Variants in NLGN1 observed in about 807,000 individuals in gnomAD.
NLGN1 encodes the protein neuroligin-1.
A neutral mutation model predicts 65.5 loss-of-function variants in NLGN1; 12 were observed. That is an observed-to-expected ratio of 0.18 (90% CI 0.12 to 0.30). The LOEUF (loss-of-function observed/expected upper bound fraction) is 0.30, where lower values mean the gene tolerates loss of function less well. Ranked by LOEUF, NLGN1 falls within the 10% of genes least tolerant of loss-of-function variation. NLGN1 has a pLI of 1.00. For synonymous variants in NLGN1, 350 were observed against 359.5 expected (o/e 0.97, Z 0.30); for missense variants, 750 against 1,007.1 (o/e 0.74, Z 3.46).
intron 4 of NLGN1, among the ~76,000 whole-genome samples, chr3:173,939,800 T>G (rs1007777206): frequency 6.6e-6 from 1 of 152,118 alleles, no homozygotes; most frequent in Non-Finnish European, 1.5e-5. Flanking sequence ...CTGGGTTTTG[T>G]TTTTGTTTTT....
chr3:173,669,498 A>G (rs550196819), intron 3 of NLGN1, among the ~76,000 whole-genome samples: 3 of 152,292 alleles, frequency 2.0e-5, no homozygotes. Flanking sequence ...CCCTGTGTGC[A>G]TGACTGTCTC....
intron 3 of NLGN1, among the ~76,000 whole-genome samples, chr3:173,676,156 C>T (rs1763145926): frequency 6.6e-6 from 1 of 151,880 alleles, no homozygotes; most frequent in Admixed American, 6.6e-5. Flanking sequence ...TAAGATATAG[C>T]AAAAGGAAAC....
intron 4 of NLGN1, among the ~76,000 whole-genome samples, chr3:174,043,660 G>T (rs1265990535): frequency 6.6e-6 from 1 of 152,248 alleles, no homozygotes; most frequent in Non-Finnish European, 1.5e-5. Context: ...CTATGCCCCT[G>T]TGGCTTTGCA....
intron 3 of NLGN1, among the ~76,000 whole-genome samples, chr3:173,616,791 A>G (rs1445156181): frequency 5.3e-5 from 8 of 152,150 alleles, no homozygotes; most frequent in Non-Finnish European, 1.2e-4. Context: ...TGCTTCTGCA[A>G]TCTCTTCTAC....
intron 4 of NLGN1, among the ~76,000 whole-genome samples, chr3:174,033,244 A>T (rs1013901156): frequency 6.6e-6 from 1 of 152,192 alleles, no homozygotes; most frequent in South Asian, 2.1e-4. Context: ...AAGAGTGAAG[A>T]TAAAACAAGG....
chr3:174,096,168 T>G (rs2152569048), intron 4 of NLGN1, among the ~76,000 whole-genome samples: 1 of 150,630 alleles, frequency 6.6e-6, no homozygotes, highest in African/African-American at 2.4e-5. Context: ...GGAATTAATG[T>G]GATATGTGTG....
chr3:173,397,415 T>C (rs766200570), upstream of NLGN1, among the ~76,000 whole-genome samples: 1 of 151,906 alleles, frequency 6.6e-6, no homozygotes, highest in Non-Finnish European at 1.5e-5. Context: ...TGTGGGAACT[T>C]CCCCTCATTT....
At chr3:174,179,242 T>C (rs1729957690) in intron 4 of NLGN1, among the ~76,000 whole-genome samples, 1 of 152,078 alleles carries the variant, frequency 6.6e-6, no homozygotes, top group Admixed American at 6.6e-5. Context: ...ACACAGCAGG[T>C]TATCTTATTA....
At chr3:174,028,213 A>G (rs1220378282) in intron 4 of NLGN1, among the ~76,000 whole-genome samples, 1 of 152,202 alleles carries the variant, frequency 6.6e-6, no homozygotes, top group Non-Finnish European at 1.5e-5. Flanking sequence ...AAAATGTGGA[A>G]GTGACTTTGG....
At chr3:173,736,271 A>G (rs1773730270) in intron 3 of NLGN1, among the ~76,000 whole-genome samples, 1 of 152,032 alleles carries the variant, frequency 6.6e-6, no homozygotes, top group Admixed American at 6.6e-5. Flanking sequence ...TTACTCACAG[A>G]AGTGAAATTG....
intron 3 of NLGN1, among the ~76,000 whole-genome samples, chr3:173,659,695 G>A (rs1760633138): frequency 6.6e-6 from 1 of 151,716 alleles, no homozygotes; most frequent in Non-Finnish European, 1.5e-5. Context: ...AGCACTGCTA[G>A]CTTCAAATCA....
chr3:173,977,469 G>A (rs1383154081), intron 4 of NLGN1, among the ~76,000 whole-genome samples: 1 of 152,026 alleles, frequency 6.6e-6, no homozygotes, highest in African/African-American at 2.4e-5. Flanking sequence ...GTAGAAGTTG[G>A]AATCTGCAGG....
chr3:173,543,918 G>A (rs1185831632), intron 2 of NLGN1, among the ~76,000 whole-genome samples: 1 of 152,106 alleles, frequency 6.6e-6, no homozygotes, highest in Non-Finnish European at 1.5e-5. Context: ...AGGTTTGAGT[G>A]CAGTGATAGA....
chr3:173,798,129 A>G (rs1011525482), intron 3 of NLGN1, among the ~76,000 whole-genome samples: 1 of 152,136 alleles, frequency 6.6e-6, no homozygotes, highest in African/African-American at 2.4e-5. Context: ...TCCAAATATT[A>G]GCAAACTAAT....
intron 3 of NLGN1, among the ~76,000 whole-genome samples, chr3:173,631,227 G>A (rs1169800216): frequency 1.3e-5 from 2 of 152,160 alleles, no homozygotes. Context: ...AGCAGGCAGA[G>A]GGAAGATTCT....
At chr3:173,743,586 CT>C (rs1774957257) in intron 3 of NLGN1, among the ~76,000 whole-genome samples, 1 of 152,118 alleles carries the variant, frequency 6.6e-6, no homozygotes, top group Admixed American at 6.6e-5. Flanking sequence ...AGAATTTCCT[CT>C]TTTTCTTCAG....
chr3:173,861,217 G>A (rs1401056007), intron 4 of NLGN1, among the ~76,000 whole-genome samples: 2 of 151,692 alleles, frequency 1.3e-5, no homozygotes, highest in Admixed American at 6.6e-5. Context: ...CAAATTAAAT[G>A]GTAGAAAATA....
intron 4 of NLGN1, among the ~76,000 whole-genome samples, chr3:174,221,909 G>A (rs555341283): frequency 6.6e-6 from 1 of 152,044 alleles, no homozygotes; most frequent in Non-Finnish European, 1.5e-5. Context: ...TGTTGCTCAT[G>A]TTTTTTGTTT....
At chr3:173,486,024 C>T (rs1184170396) in intron 2 of NLGN1, among the ~76,000 whole-genome samples, 2 of 151,724 alleles carry the variant, frequency 1.3e-5, no homozygotes, top group Non-Finnish European at 2.9e-5. Context: ...GTGATTGCCT[C>T]TTTTTCTAGT....
Sources: gnomAD v4.1 joint callset for allele counts (sites outside exome capture counted in the v4.1 genomes callset) on GRCh38, gnomAD v4.1.1 for gene constraint, MANE v1.5 for transcripts, NCBI Gene and HGNC (gene_info 2026-07-23, HGNC 2026-07-21) for gene names.